The following MEMO1 variants were observed in gnomAD, a reference collection of about 807,000 sequenced individuals.
MEMO1 encodes the protein protein MEMO1.
A neutral mutation model predicts 45.2 loss-of-function variants in MEMO1; 6 were observed. The observed-to-expected ratio is 0.13, with a 90% CI of 0.07 to 0.26. The LOEUF (loss-of-function observed/expected upper bound fraction) is 0.26, where lower values mean the gene tolerates loss of function less well. Ranked by LOEUF, MEMO1 falls within the 10% of genes least tolerant of loss-of-function variation. The probability of loss-of-function intolerance (pLI) is 1.00; values close to 1 mark genes in which losing one functional copy is unlikely to be tolerated. For missense variants in MEMO1, 184 were observed against 370.5 expected, an observed-to-expected ratio of 0.50 and a Z score of 4.13; for synonymous variants, 78 against 124.3, an observed-to-expected ratio of 0.63 and a Z score of 2.48.
At chr2:31,971,903 G>A (rs1360530054) in intron 2 of MEMO1, among the ~76,000 whole-genome samples, 2 of 152,176 alleles carry the variant, frequency 1.3e-5, no homozygotes, top group Non-Finnish European at 2.9e-5. Context: ...CCAGGAGGCA[G>A]AGGTTGCAGT....
chr2:31,997,491 G>A (rs1056935272), intron 2 of MEMO1, among the ~76,000 whole-genome samples: 1 of 152,118 alleles, frequency 6.6e-6, no homozygotes, highest in Non-Finnish European at 1.5e-5. Flanking sequence ...TACAGATGTT[G>A]AACCATTTTC....
chr2:31,906,920 T>C (rs1418146419), intron 6 of MEMO1, among the ~76,000 whole-genome samples: 3 of 152,180 alleles, frequency 2.0e-5, no homozygotes, highest in African/African-American at 7.2e-5. Context: ...TATAAATATC[T>C]GTATAAAAAA....
intron 6 of MEMO1, among the ~76,000 whole-genome samples, chr2:31,909,372 C>T (rs1680245412): frequency 6.6e-6 from 1 of 152,062 alleles, no homozygotes; most frequent in African/African-American, 2.4e-5. Flanking sequence ...GAAGTCTCCA[C>T]CAAAAACCCT....
At chr2:31,914,190 T>C (rs1286597077) in intron 6 of MEMO1, among the ~76,000 whole-genome samples, 10 of 152,120 alleles carry the variant, frequency 6.6e-5, no homozygotes, top group Admixed American at 1.3e-4. Flanking sequence ...ACTGCCTCAA[T>C]TGGCAGCAGA....
intron 2 of MEMO1, among the ~76,000 whole-genome samples, chr2:31,949,419 A>G (rs777672081): frequency 1.3e-5 from 2 of 152,192 alleles, no homozygotes; most frequent in Non-Finnish European, 2.9e-5. Flanking sequence ...TAAGCCATAA[A>G]AAAGAATGAG....
In MEMO1 at chr2:32,005,713, T is replaced by C. The variant is rs148557642; in HGVS notation, c.61+4474A>G. Among the ~76,000 whole-genome samples, 311 of 152,312 alleles carry C rather than the reference T, an allele frequency of 2.0e-3. 2 individuals carry two copies. Among genetic ancestry groups the C allele is most frequent in the African/African-American group, 7.2e-3 (301 of 41,574 alleles). On this transcript the variant is annotated intron_variant, in intron 2 of 9. Coordinates refer to ENST00000404530, the MANE Select transcript of MEMO1 (RefSeq NM_001301833.4). ...AAACATTTGTATCCCTGTCCATATA[T>C]GCTACCAATACTTCCCACTTGCTAA...
intron 6 of MEMO1, among the ~76,000 whole-genome samples, chr2:31,907,441 T>A (rs1247959918): frequency 6.6e-5 from 10 of 152,274 alleles, no homozygotes; most frequent in Middle Eastern, 6.8e-3. Flanking sequence ...ACCAAAATTT[T>A]AAAAATCTTA....
chr2:31,890,973 A>T (rs1486437901), intron 7 of MEMO1, among the ~76,000 whole-genome samples: 1 of 152,170 alleles, frequency 6.6e-6, no homozygotes, highest in African/African-American at 2.4e-5. Context: ...TTGAACTGAG[A>T]TCTCAACTTT....
chr2:31,936,667 T>C (rs1260943773), intron 3 of MEMO1, among the ~76,000 whole-genome samples: 2 of 152,178 alleles, frequency 1.3e-5, no homozygotes, highest in Non-Finnish European at 2.9e-5. Flanking sequence ...CATAGAAAAA[T>C]GACCAATTAC....
At chr2:31,897,242 G>T (rs777963577) in intron 6 of MEMO1, among the ~76,000 whole-genome samples, 24 of 151,948 alleles carry the variant, frequency 1.6e-4, no homozygotes, top group Non-Finnish European at 2.9e-4. Context: ...GCACTGGACA[G>T]AATTTCCAAT....
At chr2:31,986,163 G>A (rs67557317) in intron 2 of MEMO1, among the ~76,000 whole-genome samples, 18,282 of 152,136 alleles carry the variant, frequency 0.12, 1,188 homozygotes, top group Middle Eastern at 0.2. Flanking sequence ...GGGAGGCCGA[G>A]GCAGGCAGAT....
intron 8 of MEMO1, among the ~76,000 whole-genome samples, chr2:31,881,098 A>G (rs1675291520): frequency 6.6e-6 from 1 of 152,172 alleles, no homozygotes; most frequent in African/African-American, 2.4e-5. Flanking sequence ...CAAGAAAAAA[A>G]GACAGTAGGA....
intron 2 of MEMO1, among the ~76,000 whole-genome samples, chr2:31,948,263 C>A (rs182867543): frequency 3.3e-5 from 5 of 152,310 alleles, no homozygotes; most frequent in African/African-American, 1.2e-4. Context: ...CATTTCTCCA[C>A]AAGGGAGCCT....
At chr2:31,946,699 T>C (rs1246554843) in intron 2 of MEMO1, among the ~76,000 whole-genome samples, 1 of 151,912 alleles carries the variant, frequency 6.6e-6, no homozygotes, top group African/African-American at 2.4e-5. Context: ...CCATCTCTAC[T>C]AAAAATACAA....
At chr2:31,969,777 CTTT>C (rs35837397) in intron 2 of MEMO1, among the ~76,000 whole-genome samples, 1 of 143,506 alleles carries the variant, frequency 7.0e-6, no homozygotes. Context: ...ACCCAACTAA[CTTT>C]TTTTTTTTTT....
intron 7 of MEMO1, among the ~76,000 whole-genome samples, chr2:31,885,322 G>T (rs1425738308): frequency 3.3e-5 from 5 of 152,180 alleles, no homozygotes; most frequent in Admixed American, 6.5e-5. Flanking sequence ...GTTTCACCAT[G>T]TTGGCCAGGC....
At chr2:31,902,694 C>G (rs1679043843) in intron 6 of MEMO1, among the ~76,000 whole-genome samples, 1 of 151,918 alleles carries the variant, frequency 6.6e-6, no homozygotes, top group African/African-American at 2.4e-5. Context: ...TGTATCAATC[C>G]AAGATAAAAG....
intron 2 of MEMO1, among the ~76,000 whole-genome samples, chr2:31,955,429 CA>C (rs1393676471): frequency 6.6e-6 from 1 of 152,134 alleles, no homozygotes; most frequent in Non-Finnish European, 1.5e-5. Context: ...TTCTTAGACT[CA>C]CTTCAATTAA....
intron 5 of MEMO1, among the ~76,000 whole-genome samples, chr2:31,919,943 CATACACGT>C (rs1682026819): frequency 1.2e-5 from 1 of 84,264 alleles, no homozygotes; most frequent in African/African-American, 4.5e-5. Context: ...TGCACACACA[CATACACGT>C]GTGTGTGTGT....
Sources: gnomAD v4.1 joint callset for allele counts (sites outside exome capture counted in the v4.1 genomes callset) on GRCh38, gnomAD v4.1.1 for gene constraint, MANE v1.5 for transcripts, NCBI Gene and HGNC (gene_info 2026-07-23, HGNC 2026-07-21) for gene names.